TPO: variants seen among roughly 807,000 people sequenced by gnomAD.
The protein encoded by TPO is thyroid peroxidase, also known as thyroid microsomal antigen.
In TPO, 78 loss-of-function variants were observed where a neutral mutation model predicts 96.9. That is an observed-to-expected ratio of 0.81 (90% CI 0.67 to 0.97). TPO has a LOEUF of 0.97. Ranked by LOEUF, TPO falls within the 50% of genes least tolerant of loss-of-function variation. The pLI is 0.00. For missense variants in TPO, 1,252 were observed against 1,274.8 expected (o/e 0.98, Z 0.27); for synonymous variants, 547 against 538.0 (o/e 1.02, Z -0.23).
chr2:1,414,690 T>G (rs1032080793), intron 2 of TPO, among the ~76,000 whole-genome samples, 188 bp downstream of exon 2: 1 of 152,184 alleles, frequency 6.6e-6, no homozygotes, highest in Non-Finnish European at 1.5e-5. Context: ...ATTTCTTTCT[T>G]TAAAAAAGAG....
chr2:1,539,601 G>C lies in TPO; in HGVS notation c.2619-993G>C, dbSNP rs28915668. Among the ~76,000 whole-genome samples the C allele has an allele frequency of 5.2e-3, 798 of 152,292 alleles. 9 individuals carry two copies. The highest frequency in any genetic ancestry group is 0.018 in the African/African-American group (765 of 41,564). ...GGTGACGGTGCACTGGACTTTGCTG[G>C]CGGTGCTGGAATGGCTATGCGGAGG... On this transcript the variant is annotated intron_variant, in intron 15 of 16. Transcript: ENST00000329066.
At chr2:1,385,434 T>G (rs1661875634) in intron 1 of TPO, among the ~76,000 whole-genome samples, 1 of 152,210 alleles carries the variant, frequency 6.6e-6, no homozygotes, top group South Asian at 2.1e-4. Flanking sequence ...TGGTTTAGTC[T>G]TGGGAGAATG....
At chr2:1,404,798 A>G (rs1398059637) in intron 1 of TPO, among the ~76,000 whole-genome samples, 1 of 152,228 alleles carries the variant, frequency 6.6e-6, no homozygotes, top group Non-Finnish European at 1.5e-5. Context: ...AGGCTGCAGC[A>G]TTGGTTTTCT....
chr2:1,493,209 T>TGGGGGG (rs3036079), intron 10 of TPO, among the ~76,000 whole-genome samples: 9 of 17,530 alleles, frequency 5.1e-4, no homozygotes, highest in Admixed American at 1.5e-3. Flanking sequence ...TGTGAGTGGG[T>TGGGGGG]GGGGGGGGGG....
At chr2:1,403,765 T>C (rs1296661114) in intron 1 of TPO, among the ~76,000 whole-genome samples, 1 of 152,186 alleles carries the variant, frequency 6.6e-6, no homozygotes, top group Non-Finnish European at 1.5e-5. Flanking sequence ...TGGGTTCACA[T>C]TTCACTGTGG....
At chr2:1,428,045 TG>T (rs1451846296) in intron 3 of TPO, among the ~76,000 whole-genome samples, 1 of 152,222 alleles carries the variant, frequency 6.6e-6, no homozygotes, top group Non-Finnish European at 1.5e-5. Flanking sequence ...ATTTGATGCA[TG>T]GCTCTGTGTG....
chr2:1,396,837 G>C (rs554373861), intron 1 of TPO, among the ~76,000 whole-genome samples: 14 of 152,268 alleles, frequency 9.2e-5, no homozygotes, highest in African/African-American at 3.1e-4. Flanking sequence ...TGTGCCTCAG[G>C]AAAACATGCA....
rs148025193 is a variant in TPO at position 1,469,632 on chromosome 2, C to A, written c.820-7454C>A. ...CTTCCTAGGGGACCCAGAGATCCCA[C>A]AGGGCTTTTCTGGCTGCTTCCTCTA... On this transcript the variant is annotated intron_variant, in intron 7 of 16. Coordinates refer to ENST00000329066, the MANE Select transcript of TPO (RefSeq NM_001206744.2). Among the ~76,000 whole-genome samples, 435 of 152,308 alleles carry A rather than the reference C, an allele frequency of 2.9e-3. 14 individuals are homozygous for A. The highest frequency in any genetic ancestry group is 0.027 in the Admixed American group (415 of 15,298).
chr2:1,413,118 G>A (rs1473543683), upstream of TPO, among the ~76,000 whole-genome samples: 5 of 152,216 alleles, frequency 3.3e-5, no homozygotes, highest in East Asian at 9.7e-4. Flanking sequence ...CCCAATCCTC[G>A]GAAGATTAAC....
rs747905267 is a variant in TPO, at chr2:1,496,210, C to G, written c.2215+13C>G. 2 of 1,612,840 alleles carry G rather than the reference C, an allele frequency of 1.2e-6. No homozygotes were observed. The highest frequency in any genetic ancestry group is 8.5e-7 in the Non-Finnish European group (1 of 1,179,482). On this transcript the variant is annotated intron_variant, in intron 12 of 16. Coordinates refer to ENST00000329066, the MANE Select transcript of TPO (RefSeq NM_001206744.2). ...ACCTTTCCTCAAGGTGAAGTTCGGT[C>G]TCCTCTCACACCACGTTACAGCACG...
intron 7 of TPO, among the ~76,000 whole-genome samples, chr2:1,465,576 A>G (rs1420977505): frequency 6.6e-6 from 1 of 151,934 alleles, no homozygotes; most frequent in African/African-American, 2.4e-5. Context: ...GGTTTTTTTC[A>G]GCAGTGTTTT....
intron 14 of TPO, among the ~76,000 whole-genome samples, chr2:1,511,805 C>T (rs1674161951): frequency 6.6e-6 from 1 of 152,216 alleles, no homozygotes; most frequent in African/African-American, 2.4e-5. Context: ...CAGCCACATT[C>T]TGAGGCCCAG....
At chr2:1,535,209 T>A (rs112509373) in intron 15 of TPO, among the ~76,000 whole-genome samples, 26,863 of 56,322 alleles carry the variant, frequency 0.48, 3,488 homozygotes, top group Middle Eastern at 0.62. Context: ...ACCTCATCAA[T>A]TTCCCCCCAT....
At position 1,503,980 on chromosome 2, in the gene TPO, C is replaced by G. The variant is rs776742602; in HGVS notation, c.2419C>G (p.Pro807Ala). Residue 807 changes from proline (P) to alanine (A), a missense_variant, in exon 14 of 17, where the codon CCC becomes GCC. Transcript: ENST00000329066. ...CGAGTGTGCAGACGGTGCCCACCCC[C>G]CCTGCCACGCCTCTGCGAGGTGCAG... ...VNECADGAHP[P>A]CHASARCRNT... The G allele has an allele frequency of 1.2e-6, 2 of 1,614,194 alleles. No individual in the cohort carries two copies. The highest frequency in any genetic ancestry group is 1.1e-5 in the South Asian group (1 of 91,090).
At chr2:1,468,758 C>T (rs1447579174) in intron 7 of TPO, among the ~76,000 whole-genome samples, 1 of 152,210 alleles carries the variant, frequency 6.6e-6, no homozygotes, top group African/African-American at 2.4e-5. Context: ...AGGTCTCCAG[C>T]AAGGCCAGGG....
At chr2:1,453,859 T>C (rs772713620) in intron 6 of TPO, 36 bp downstream of exon 6, 2 of 1,613,324 alleles carry the variant, frequency 1.2e-6, no homozygotes, top group South Asian at 2.2e-5. Flanking sequence ...TGGACTAAGA[T>C]TGGGTCCTGT....
At chr2:1,540,982 G>C in intron 16 of TPO, 2 of 1,449,928 alleles carry the variant, frequency 1.4e-6, no homozygotes, top group Non-Finnish European at 1.8e-6. Context: ...ACTTTCAGGC[G>C]TTTGCTTCCA....
chr2:1,453,917 G>C, intron 6 of TPO, 94 bp downstream of exon 6: 1 of 1,564,680 alleles, frequency 6.4e-7, no homozygotes, highest in South Asian at 1.1e-5. Context: ...TGCTCGTGCT[G>C]GGTGCTGCGT....
intron 1 of TPO, among the ~76,000 whole-genome samples, chr2:1,391,699 A>G (rs368114246): frequency 3.9e-5 from 6 of 152,050 alleles, no homozygotes; most frequent in Non-Finnish European, 7.4e-5. Flanking sequence ...TTTGAGCAGT[A>G]GTTTGTAGTT....
Sources: gnomAD v4.1 joint callset for allele counts (sites outside exome capture counted in the v4.1 genomes callset) on GRCh38, gnomAD v4.1.1 for gene constraint, MANE v1.5 for transcripts, NCBI Gene and HGNC (gene_info 2026-07-23, HGNC 2026-07-21) for gene names.